The following CADPS variants were observed in gnomAD, a reference collection of about 807,000 sequenced individuals.
CADPS encodes the protein calcium-dependent secretion activator 1.
In CADPS, 57 loss-of-function variants were observed where a neutral mutation model predicts 167.3. That is an observed-to-expected ratio of 0.34 (90% CI 0.28 to 0.42). The LOEUF (loss-of-function observed/expected upper bound fraction) is 0.42, where lower values mean the gene tolerates loss of function less well. Ranked by LOEUF, CADPS falls within the 20% of genes least tolerant of loss-of-function variation. The pLI is 1.00. For synonymous variants in CADPS, 676 were observed against 635.3 expected, an observed-to-expected ratio of 1.06 and a Z score of -0.96; for missense variants, 1,414 against 1,738.1, an observed-to-expected ratio of 0.81 and a Z score of 3.32.
intron 17 of CADPS, among the ~76,000 whole-genome samples, chr3:62,511,633 C>T (rs567231343): frequency 6.6e-6 from 1 of 152,242 alleles, no homozygotes; most frequent in South Asian, 2.1e-4. Flanking sequence ...CCTAGCTCCC[C>T]TTTGCTTATT....
chr3:62,588,948 G>A (rs115639840), intron 7 of CADPS, among the ~76,000 whole-genome samples: 110 of 152,238 alleles, frequency 7.2e-4, no homozygotes, highest in African/African-American at 2.4e-3. Flanking sequence ...GAGACTATCT[G>A]GGGAAGGATA....
At chr3:62,614,337 A>G (rs2061940022) in intron 6 of CADPS, among the ~76,000 whole-genome samples, 1 of 152,170 alleles carries the variant, frequency 6.6e-6, no homozygotes, top group Non-Finnish European at 1.5e-5. Flanking sequence ...TCTTATGTTC[A>G]AGTCCCACTC....
intron 1 of CADPS, among the ~76,000 whole-genome samples, chr3:62,834,725 A>G (rs1211122840): frequency 1.3e-5 from 2 of 152,286 alleles, no homozygotes; most frequent in Non-Finnish European, 2.9e-5. Context: ...TATCATTATC[A>G]AATTTTATTT....
chr3:62,847,035 T>A (rs547673416), intron 1 of CADPS, among the ~76,000 whole-genome samples: 50 of 152,338 alleles, frequency 3.3e-4, no homozygotes, highest in African/African-American at 1.2e-3. Context: ...TTTAAACCAC[T>A]TTAGTCATTA....
chr3:62,456,666 G>A (rs1007050584), intron 26 of CADPS, among the ~76,000 whole-genome samples: 14 of 151,678 alleles, frequency 9.2e-5, no homozygotes, highest in African/African-American at 3.4e-4. Context: ...GAGGTCCCAT[G>A]TGGTACATAT....
intron 3 of CADPS, among the ~76,000 whole-genome samples, chr3:62,715,373 C>CTATCTACCTATCTAT (rs1554105668): frequency 1.5e-5 from 2 of 134,608 alleles, no homozygotes; most frequent in East Asian, 2.1e-4. Context: ...TATCTATCTA[C>CTATCTACCTATCTAT]CTATCTATCT....
intron 1 of CADPS, among the ~76,000 whole-genome samples, chr3:62,785,439 TTTGC>T (rs2092325190): frequency 1.3e-5 from 2 of 152,354 alleles, no homozygotes; most frequent in South Asian, 2.1e-4. Context: ...TGAGCCTTGC[TTTGC>T]CATCCATCGT....
chr3:62,733,696 C>T (rs1179808255), intron 3 of CADPS, among the ~76,000 whole-genome samples: 1 of 151,898 alleles, frequency 6.6e-6, no homozygotes, highest in Non-Finnish European at 1.5e-5. Flanking sequence ...TTAATTTTTA[C>T]ATTTTAATTT....
chr3:62,525,259 C>T (rs756893750), intron 13 of CADPS, among the ~76,000 whole-genome samples: 12 of 151,784 alleles, frequency 7.9e-5, no homozygotes, highest in Non-Finnish European at 1.5e-4. Context: ...AAGAGAGTCA[C>T]GTGGGTTAAA....
At chr3:62,730,556 C>G (rs1274697662) in intron 3 of CADPS, among the ~76,000 whole-genome samples, 1 of 152,224 alleles carries the variant, frequency 6.6e-6, no homozygotes, top group East Asian at 1.9e-4. Context: ...AGCTTCTAAG[C>G]TTGGTGACTT....
chr3:62,565,135 G>C (rs1034554308), intron 9 of CADPS, among the ~76,000 whole-genome samples: 1 of 152,122 alleles, frequency 6.6e-6, no homozygotes, highest in Non-Finnish European at 1.5e-5. Context: ...TAATCAATGT[G>C]TTTGGTTCTC....
At chr3:62,515,838 C>T (rs1287422225) in intron 16 of CADPS, among the ~76,000 whole-genome samples, 2 of 152,002 alleles carry the variant, frequency 1.3e-5, no homozygotes, top group African/African-American at 4.8e-5. Flanking sequence ...AATATTGTTC[C>T]CTTACAAAGG....
chr3:62,429,132 C>T (rs191177182), intron 28 of CADPS, among the ~76,000 whole-genome samples: 12 of 151,250 alleles, frequency 7.9e-5, no homozygotes, highest in Admixed American at 6.6e-4. Flanking sequence ...ACTTTTGTTT[C>T]GTGTGTGTGT....
chr3:62,857,829 T>C (rs2080000489), intron 1 of CADPS, among the ~76,000 whole-genome samples: 1 of 152,102 alleles, frequency 6.6e-6, no homozygotes, highest in African/African-American at 2.4e-5. Flanking sequence ...TAAAATTTAA[T>C]ATTTTAATGA....
chr3:62,841,466 A>T lies in CADPS; in HGVS notation c.441+33123T>A, dbSNP rs1444058358. The stretch of plus-strand genomic sequence containing the variant: ...CATGATGGCTCATGCCTGTAATCCC[A>T]GCACTTTGGGAGGCTAAGGTGGGTG... On this transcript the variant is annotated intron_variant, in intron 1 of 29. Coordinates refer to ENST00000383710, the MANE Select transcript of CADPS (RefSeq NM_003716.4). Among the ~76,000 whole-genome samples, 3 of 152,194 alleles carry T rather than the reference A, an allele frequency of 2.0e-5. No individual in the cohort carries two copies. The East Asian group carries it at 5.8e-4, about 29-fold the overall frequency.
intron 6 of CADPS, among the ~76,000 whole-genome samples, chr3:62,610,620 G>A (rs917908789): frequency 2.6e-5 from 4 of 152,158 alleles, no homozygotes; most frequent in East Asian, 1.9e-4. Context: ...GGGTTGTTCA[G>A]TATCAGTCAT....
At chr3:62,849,197 A>G (rs1350916129) in intron 1 of CADPS, among the ~76,000 whole-genome samples, 1 of 150,106 alleles carries the variant, frequency 6.7e-6, no homozygotes, top group East Asian at 1.9e-4. Flanking sequence ...GGGGTTTTCT[A>G]GATAAACAAT....
chr3:62,830,500 TCTC>T (rs1171289546), intron 1 of CADPS, among the ~76,000 whole-genome samples: 4 of 152,154 alleles, frequency 2.6e-5, no homozygotes, highest in African/African-American at 7.2e-5. Context: ...GTGTCTTTGT[TCTC>T]CTTGTTTTTC....
chr3:62,854,233 G>A (rs1240065613), intron 1 of CADPS, among the ~76,000 whole-genome samples: 1 of 152,142 alleles, frequency 6.6e-6, no homozygotes, highest in East Asian at 1.9e-4. Context: ...TGTGTGGTTG[G>A]AATTGATAGA....
Sources: gnomAD v4.1 joint callset for allele counts (sites outside exome capture counted in the v4.1 genomes callset) on GRCh38, gnomAD v4.1.1 for gene constraint, MANE v1.5 for transcripts, NCBI Gene and HGNC (gene_info 2026-07-23, HGNC 2026-07-21) for gene names.